The following MGAT5B variants were observed in gnomAD, a reference collection of about 807,000 sequenced individuals.
MGAT5B encodes alpha-1,6-mannosylglycoprotein 6-beta-N-acetylglucosaminyltransferase B.
MGAT5B carries 54 observed loss-of-function variants against 95.1 expected under a neutral mutation model. The observed-to-expected ratio is 0.57, with a 90% CI of 0.46 to 0.71. MGAT5B has a LOEUF of 0.71. MGAT5B is among the 30% of genes least tolerant of loss of function. The probability of loss-of-function intolerance (pLI) is 0.00; values close to 1 mark genes in which losing one functional copy is unlikely to be tolerated. For missense variants in MGAT5B, 935 were observed against 1,088.6 expected, an observed-to-expected ratio of 0.86 and a Z score of 1.99; for synonymous variants, 464 against 451.0, an observed-to-expected ratio of 1.03 and a Z score of -0.36.
chr17:76,944,883 G>A (rs543841806), intron 15 of MGAT5B, among the ~76,000 whole-genome samples: 1 of 152,352 alleles, frequency 6.6e-6, no homozygotes, highest in Non-Finnish European at 1.5e-5. Flanking sequence ...GAAGAAAGGA[G>A]GTGGTTGCAG....
Position 76,947,936 on chromosome 17 carries a change from G to C in MGAT5B, c.2030G>C (p.Ser677Thr), listed in dbSNP as rs747637428. 6.2e-7 allele frequency: 1 copy of C among 1,613,122 alleles called. No individual in the cohort carries two copies. The highest frequency in any genetic ancestry group is 1.1e-5 in the South Asian group (1 of 90,990). Residue 677 changes from serine to threonine, a missense_variant, in exon 17 of 18, where the codon AGC becomes ACC. Coordinates refer to ENST00000569840, the MANE Select transcript of MGAT5B (RefSeq NM_001199172.2). Reference protein sequence around the residue: ...ATHLEWARNTSLAPGAWPPAH... With the variant: ...ATHLEWARNTTLAPGAWPPAH... ...CACCTCGAGTGGGCTCGGAACACCA[G>C]CTTGGCTCCTGGGGCCTGGCCCCCC... is the stretch of plus-strand genomic sequence containing the variant.
chr17:76,902,488 G>T, intron 3 of MGAT5B, 67 bp from the exon 4 acceptor site: 1 of 1,236,452 alleles, frequency 8.1e-7, no homozygotes. Context: ...GGGCCTTACT[G>T]GCAGGACCCT....
intron 3 of MGAT5B, among the ~76,000 whole-genome samples, chr17:76,897,728 T>TCTTTCC (rs71158082): frequency 1.7e-5 from 1 of 58,716 alleles, no homozygotes; most frequent in Non-Finnish European, 2.9e-5. Flanking sequence ...TTTCTTTCTT[T>TCTTTCC]TTCTTTTTTT....
chr17:76,921,187 C>T (rs1046039167), intron 8 of MGAT5B, among the ~76,000 whole-genome samples: 3 of 152,140 alleles, frequency 2.0e-5, no homozygotes, highest in African/African-American at 7.2e-5. Context: ...AGGGCACCGT[C>T]GCAGGAGAAC....
Position 76,897,707 on chromosome 17 carries a change from TTC to T in MGAT5B, c.330-4846_330-4845del, listed in dbSNP as rs1335360137. Among the ~76,000 whole-genome samples, 338 of 107,268 alleles carry T rather than the reference TTC, an allele frequency of 3.2e-3. 2 individuals carry two copies. The highest frequency in any genetic ancestry group is 7.2e-3 in the African/African-American group (148 of 20,642). The allele number at this position is 107,268 out of a possible 152,430, so 70.4% of individuals were successfully genotyped here. A position where few individuals can be genotyped will look rare whatever the true frequency, so the allele number is the denominator to read the frequency against. On this transcript the variant is annotated intron_variant, in intron 3 of 17. Transcript: ENST00000569840. ...TTTCTTTCTTTCTTTCTTTCTTTCT[TTC>T]TTTCTTTCTTTCTTTCTTTTTCTTT...
At chr17:76,880,799 A>G (rs1202567465) in intron 2 of MGAT5B, among the ~76,000 whole-genome samples, 1 of 152,084 alleles carries the variant, frequency 6.6e-6, no homozygotes, top group Non-Finnish European at 1.5e-5. Context: ...CCCGGGTGGT[A>G]ATATTCTCGG....
At chr17:76,886,673 C>T (rs1422406461) in intron 3 of MGAT5B, among the ~76,000 whole-genome samples, 1 of 152,118 alleles carries the variant, frequency 6.6e-6, no homozygotes, top group Admixed American at 6.5e-5. Context: ...GAGGGGCCAC[C>T]TGGGAGCACT....
rs568231471 is a variant in MGAT5B, at chr17:76,882,087, C to T, written c.182-64C>T. ...CAGCTTTGTCTGAGCTGCCCCAGCT[C>T]GGACACCAGGTGGCCTCCAGGCTGC... On this transcript the variant is annotated intron_variant, in intron 2 of 17. Transcript: ENST00000569840. 9.2e-5 allele frequency: 141 copies of T among 1,526,366 alleles called. No individual in the cohort carries two copies. The African/African-American group carries it at 1.5e-3, about 16-fold the overall frequency. 94.6% of individuals were successfully genotyped at this position (1,526,366 alleles called of 1,614,324 possible). A position where few individuals can be genotyped will look rare whatever the true frequency, so the allele number is the denominator to read the frequency against.
In MGAT5B at chr17:76,869,189, C is replaced by A; in HGVS notation, c.68+92C>A. 1 of 1,149,844 alleles carries A rather than the reference C, an allele frequency of 8.7e-7. No individual in the cohort carries two copies. Among genetic ancestry groups the A allele is most frequent in the Non-Finnish European group, 1.3e-6 (1 of 760,962 alleles). 71.2% of individuals were successfully genotyped at this position (1,149,844 alleles called of 1,614,324 possible). On this transcript the variant is annotated intron_variant, in intron 1 of 17. Coordinates refer to ENST00000569840, the MANE Select transcript of MGAT5B (RefSeq NM_001199172.2). This position sits in a 1 kb window ranked among gnomAD's most constrained non-coding sequence, Gnocchi z 7.0. ...CCTGCGAACGTTCAAGTCCTGGTGG[C>A]AGAGGGGGCGGTTCACACTTCAACC...
Position 76,914,750 on chromosome 17 carries a change from G to C in MGAT5B, c.1025+8563G>C, listed in dbSNP as rs1190320940. Among the ~76,000 whole-genome samples the C allele has an allele frequency of 6.6e-6, 1 of 151,916 alleles. No homozygotes were observed. Among genetic ancestry groups the C allele is most frequent in the Admixed American group, 6.6e-5 (1 of 15,256 alleles). On this transcript the variant is annotated intron_variant, in intron 8 of 17. Coordinates refer to ENST00000569840, the MANE Select transcript of MGAT5B (RefSeq NM_001199172.2). The surrounding 1 kb of genome is among the most constrained non-coding windows in gnomAD (Gnocchi z 5.1). ...ACCTCCGGGTTCAAGTGATTCTCCT[G>C]CCTCAGCCTCCCGAGTAGCTGGGAC...
chr17:76,935,405 G>A (rs534121587), intron 12 of MGAT5B, among the ~76,000 whole-genome samples: 121 of 56,218 alleles, frequency 2.2e-3, no homozygotes, highest in Non-Finnish European at 3.4e-3. Flanking sequence ...TAATACTGTA[G>A]AAGTGTGTTT....
intron 16 of MGAT5B, among the ~76,000 whole-genome samples, chr17:76,946,976 G>A (rs995138047): frequency 5.3e-5 from 8 of 152,252 alleles, no homozygotes; most frequent in Non-Finnish European, 1.5e-5. Flanking sequence ...CCTCCCACGG[G>A]TGCTCAGAGT....
At chr17:76,935,956 A>T (rs1190103057) in intron 12 of MGAT5B, among the ~76,000 whole-genome samples, 1 of 142,204 alleles carries the variant, frequency 7.0e-6, no homozygotes, top group East Asian at 2.0e-4. Flanking sequence ...TATATACATT[A>T]TATATATATA....
At position 76,918,835 on chromosome 17, in the gene MGAT5B, T is replaced by C. The variant is rs1429229378; in HGVS notation, c.1026-6131T>C. ...CCTGCCTGCACTTCAGCCCCTGGAG[T>C]CAAAGATCTCTGACTACTTTGCAAG... On this transcript the variant is annotated intron_variant, in intron 8 of 17. Coordinates refer to ENST00000569840, the MANE Select transcript of MGAT5B (RefSeq NM_001199172.2). This position sits in a 1 kb window ranked among gnomAD's most constrained non-coding sequence, Gnocchi z 5.1. Among the ~76,000 whole-genome samples, 3 of 152,144 alleles carry C rather than the reference T, an allele frequency of 2.0e-5. No individual in the cohort carries two copies. Among genetic ancestry groups the C allele is most frequent in the Admixed American group, 2.0e-4 (3 of 15,288 alleles).
chr17:76,882,613 AT>A (rs1244364751), intron 3 of MGAT5B: 2 of 276,640 alleles, frequency 7.2e-6, no homozygotes, highest in Admixed American at 5.3e-5. Flanking sequence ...ACATTTGCAC[AT>A]ATGTTTAACA....
chr17:76,878,250 G>T (rs1967268417), intron 2 of MGAT5B, among the ~76,000 whole-genome samples: 1 of 152,154 alleles, frequency 6.6e-6, no homozygotes, highest in Non-Finnish European at 1.5e-5. Context: ...TACCCCGAGG[G>T]CTCATTGGGA....
At chr17:76,897,818 G>A (rs181295029) in intron 3 of MGAT5B, among the ~76,000 whole-genome samples, 2 of 150,436 alleles carry the variant, frequency 1.3e-5, no homozygotes, top group East Asian at 3.9e-4. Flanking sequence ...CACTTTGGGA[G>A]GCCGAGGTGG....
intron 9 of MGAT5B, 60 bp from the exon 10 acceptor site, chr17:76,926,537 T>G: frequency 1.3e-6 from 2 of 1,538,822 alleles, no homozygotes; most frequent in Non-Finnish European, 1.8e-6. Flanking sequence ...TGGGGCAACT[T>G]CAGCCCAGGG....
rs948474687 is a variant in MGAT5B at position 76,918,961 on chromosome 17, A to T, written c.1026-6005A>T. On this transcript the variant is annotated intron_variant, in intron 8 of 17. Coordinates refer to ENST00000569840, the MANE Select transcript of MGAT5B (RefSeq NM_001199172.2). The surrounding 1 kb of genome is among the most constrained non-coding windows in gnomAD (Gnocchi z 5.1). ...CTGGAGAGATTATTTCTAGCCACAG[A>T]CCAAAGGCACAGAGAGAAATAAAAC... Among the ~76,000 whole-genome samples the T allele has an allele frequency of 2.6e-5, 4 of 152,246 alleles. No homozygotes were observed. The highest frequency in any genetic ancestry group is 9.6e-5 in the African/African-American group (4 of 41,464).
Sources: gnomAD v4.1 joint callset for allele counts (sites outside exome capture counted in the v4.1 genomes callset) on GRCh38, gnomAD v4.1.1 for gene constraint, Gnocchi (gnomAD v3.1) non-coding constraint, MANE v1.5 for transcripts, NCBI Gene and HGNC (gene_info 2026-07-23, HGNC 2026-07-21) for gene names.